Variants in ARMH3 observed in about 807,000 individuals in gnomAD.
The protein encoded by ARMH3 is armadillo like helical domain containing 3, also known as armadillo-like helical domain-containing protein 3.
A neutral mutation model predicts 99.1 loss-of-function variants in ARMH3; 60 were observed. The observed-to-expected ratio is 0.61, with a 90% CI of 0.49 to 0.75. ARMH3 has a LOEUF of 0.75. ARMH3 is among the 30% of genes least tolerant of loss of function. The probability of loss-of-function intolerance (pLI) is 0.00; values close to 1 mark genes in which losing one functional copy is unlikely to be tolerated. For missense variants in ARMH3, 679 were observed against 843.1 expected (o/e 0.81, Z 2.41); for synonymous variants, 285 against 292.8 (o/e 0.97, Z 0.27).
chr10:101,945,788 A>C (rs1284678478), intron 22 of ARMH3, among the ~76,000 whole-genome samples: 11 of 151,856 alleles, frequency 7.2e-5, no homozygotes, highest in Admixed American at 7.2e-4. Context: ...AACATTAAAA[A>C]TGTCCAGGAG....
At chr10:102,052,650 G>A (rs549072734) in intron 1 of ARMH3, among the ~76,000 whole-genome samples, 1 of 152,180 alleles carries the variant, frequency 6.6e-6, no homozygotes, top group South Asian at 2.1e-4. Flanking sequence ...GACAGAAAGG[G>A]ACCAAAAAAT....
rs575198101 is a variant in ARMH3, at chr10:102,013,543, G to A, written c.726+425C>T. 4.6e-5 allele frequency among the ~76,000 whole-genome samples: 7 copies of A among 152,210 alleles called. No homozygotes were observed. The South Asian group carries it at 1.5e-3, about 32-fold the overall frequency. On this transcript the variant is annotated intron_variant, in intron 9 of 25. Transcript: ENST00000370033. ...AGATGTTATTTCTCAAACTTTCAAG[G>A]ATACATATAGTAGATACAGATCATC...
intron 23 of ARMH3, among the ~76,000 whole-genome samples, chr10:101,933,556 T>C (rs1029599585): frequency 6.6e-6 from 1 of 152,224 alleles, no homozygotes; most frequent in African/African-American, 2.4e-5. Flanking sequence ...CTTAAGAGAT[T>C]AGGGTACAGC....
At chr10:102,028,385 GAATAAATA>G (rs377091892) in intron 5 of ARMH3, among the ~76,000 whole-genome samples, 2 of 151,892 alleles carry the variant, frequency 1.3e-5, no homozygotes, top group African/African-American at 4.8e-5. Flanking sequence ...CTCATCTCAT[GAATAAATA>G]AATAAATAAA....
intron 8 of ARMH3, among the ~76,000 whole-genome samples, chr10:102,017,674 T>C (rs1375432824): frequency 6.6e-6 from 1 of 152,130 alleles, no homozygotes; most frequent in Non-Finnish European, 1.5e-5. Context: ...ATGACAGAGA[T>C]CAAAATGGCT....
intron 15 of ARMH3, among the ~76,000 whole-genome samples, chr10:101,998,038 G>T (rs573067037): frequency 7.9e-5 from 12 of 152,240 alleles, no homozygotes; most frequent in African/African-American, 2.6e-4. Flanking sequence ...GCCATATTTA[G>T]GTTGCCTGTT....
Position 102,002,002 on chromosome 10 carries a change from C to T in ARMH3, c.1119G>A (p.Lys373=), listed in dbSNP as rs1438655387. The change falls in exon 15 of 26, where the codon AAG becomes AAA. Residue 373 remains lysine, a synonymous_variant. Coordinates refer to ENST00000370033, the MANE Select transcript of ARMH3 (RefSeq NM_024541.3). ...QTSNLLITFL[K]YSSIVMQDTK... ...TGTCCTGCATGACAATTGAGCTATA[C>T]TTTAAAAAGGTTATCAGTAGATTAC... 1.9e-6 allele frequency: 3 copies of T among 1,614,208 alleles called. No individual in the cohort carries two copies. Among genetic ancestry groups the T allele is most frequent in the Admixed American group, 3.3e-5 (2 of 60,028 alleles).
At chr10:101,985,076 TATACACACACACACAC>T (rs1348134471) in intron 19 of ARMH3, among the ~76,000 whole-genome samples, 4 of 129,068 alleles carry the variant, frequency 3.1e-5, no homozygotes, top group African/African-American at 1.2e-4. Flanking sequence ...TAAAAATATA[TATACACACACACACAC>T]ACACACACAC....
intron 23 of ARMH3, among the ~76,000 whole-genome samples, chr10:101,920,124 A>G (rs936785813): frequency 6.6e-6 from 1 of 152,224 alleles, no homozygotes; most frequent in African/African-American, 2.4e-5. Context: ...GATGAGTGAG[A>G]CATAGATGCT....
At chr10:101,953,785 T>G (rs1317844011) in intron 22 of ARMH3, among the ~76,000 whole-genome samples, 3 of 152,066 alleles carry the variant, frequency 2.0e-5, no homozygotes, top group Non-Finnish European at 2.9e-5. Context: ...GGAGAGAATG[T>G]AAAATAGAAC....
chr10:101,924,648 C>T (rs553081088), intron 23 of ARMH3, among the ~76,000 whole-genome samples: 5 of 152,010 alleles, frequency 3.3e-5, no homozygotes, highest in Non-Finnish European at 7.4e-5. Flanking sequence ...AGCCACCACG[C>T]CCAGCCTGCT....
intron 13 of ARMH3, among the ~76,000 whole-genome samples, chr10:102,007,881 C>G (rs1213180811): frequency 6.6e-6 from 1 of 150,492 alleles, no homozygotes; most frequent in African/African-American, 2.5e-5. Context: ...CAGATGGCGG[C>G]CTTCCTGTTC....
At chr10:102,043,499 A>G (rs938833155) in intron 1 of ARMH3, among the ~76,000 whole-genome samples, 1 of 152,258 alleles carries the variant, frequency 6.6e-6, no homozygotes, top group African/African-American at 2.4e-5. Context: ...TGGCACAGAC[A>G]GACACATAAC....
chr10:101,883,735 T>C (rs966906696), intron 24 of ARMH3, among the ~76,000 whole-genome samples: 1 of 152,144 alleles, frequency 6.6e-6, no homozygotes, highest in African/African-American at 2.4e-5. Flanking sequence ...CTCATGCCTA[T>C]AACCCCAGCA....
chr10:101,896,352 G>C (rs759792065), intron 23 of ARMH3, among the ~76,000 whole-genome samples: 2 of 152,206 alleles, frequency 1.3e-5, no homozygotes, highest in Non-Finnish European at 2.9e-5. Context: ...CAATTTATAG[G>C]AAAGGTCCAG....
chr10:102,015,331 T>G (rs1402189423), intron 8 of ARMH3, among the ~76,000 whole-genome samples: 1 of 152,046 alleles, frequency 6.6e-6, no homozygotes, highest in African/African-American at 2.4e-5. Flanking sequence ...AGACCACTAT[T>G]TCTTGGCATA....
chr10:101,908,040 T>C (rs113124111), intron 23 of ARMH3, among the ~76,000 whole-genome samples: 140 of 152,302 alleles, frequency 9.2e-4, no homozygotes, highest in African/African-American at 3.2e-3. Flanking sequence ...ACCAGCCACA[T>C]GTAGCTCCTA....
At chr10:102,025,013 C>CTA (rs2066970165) in intron 6 of ARMH3, 143 bp downstream of exon 6, 1 of 687,086 alleles carries the variant, frequency 1.5e-6, no homozygotes, top group Admixed American at 2.7e-5. Context: ...AGCTAACTTC[C>CTA]TATACATCCA....
chr10:102,051,151 C>T (rs895480485), intron 1 of ARMH3, among the ~76,000 whole-genome samples: 1 of 140,744 alleles, frequency 7.1e-6, no homozygotes, highest in Non-Finnish European at 1.5e-5. Context: ...GAGCAAGACT[C>T]TGTCTCAAAA....
Sources: allele counts gnomAD v4.1 joint callset (sites outside exome capture counted in the v4.1 genomes callset), GRCh38; gene constraint gnomAD v4.1.1; transcripts MANE v1.5; gene names NCBI Gene and HGNC (gene_info 2026-07-23, HGNC 2026-07-21).